The following SMAD2 variants were observed in gnomAD, a reference collection of about 807,000 sequenced individuals.
The protein encoded by SMAD2 is SMAD family member 2.
In SMAD2, 8 loss-of-function variants were observed where a neutral mutation model predicts 64.4. The observed-to-expected ratio is 0.12, with a 90% CI of 0.07 to 0.22. SMAD2 has a LOEUF of 0.22. Among genes scored for constraint, SMAD2 ranks in the 10% least tolerant of loss-of-function variants. SMAD2 has a pLI of 1.00. For missense variants in SMAD2, 289 were observed against 561.2 expected (o/e 0.51, Z 4.90); for synonymous variants, 203 against 195.8 (o/e 1.04, Z -0.31).
intron 2 of SMAD2, chr18:47,886,720 C>T (rs2032929728): frequency 6.5e-6 from 1 of 153,318 alleles, no homozygotes; most frequent in African/African-American, 2.4e-5. Context: ...TATTAGTGAT[C>T]ACAGTTTCAT....
chr18:47,856,234 A>T (rs1792658), intron 6 of SMAD2, among the ~76,000 whole-genome samples: 3 of 151,848 alleles, frequency 2.0e-5, no homozygotes, highest in South Asian at 4.2e-4. Context: ...AAAGGGTATA[A>T]AGTTGCAGAT....
At chr18:47,885,742 G>A (rs1020863715) in intron 2 of SMAD2, among the ~76,000 whole-genome samples, 1 of 152,012 alleles carries the variant, frequency 6.6e-6, no homozygotes. Flanking sequence ...CAGGCAGATC[G>A]CTTGAGCCCA....
rs1308036176 is a variant in SMAD2, at chr18:47,820,118, A to C, written c.*21709T>G. On this transcript the variant is annotated 3_prime_UTR_variant, in exon 11 of 11. Transcript: ENST00000262160. Reference sequence around the variant, plus strand: ...TTCAGTAAATGTCTGGATCATTTCCAAAAAAAAACAATAAACTGCTGAAAA... The same window carrying C: ...TTCAGTAAATGTCTGGATCATTTCCCAAAAAAAACAATAAACTGCTGAAAA... 6.6e-6 allele frequency: 1 copy of C among 151,048 alleles called. No individual in the cohort carries two copies. The highest frequency in any genetic ancestry group is 1.5e-5 in the Non-Finnish European group (1 of 67,738). 9.4% of individuals were successfully genotyped at this position (151,048 alleles called of 1,614,324 possible).
chr18:47,861,491 A>C (rs1393880259), intron 6 of SMAD2, among the ~76,000 whole-genome samples: 3 of 152,218 alleles, frequency 2.0e-5, no homozygotes, highest in Non-Finnish European at 4.4e-5. Context: ...CCTAGGAACA[A>C]CTGGAAAATA....
Position 47,837,961 on chromosome 18 carries a change from G to T in SMAD2, c.*3866C>A, listed in dbSNP as rs989898893. On this transcript the variant is annotated 3_prime_UTR_variant, in exon 11 of 11. Coordinates refer to ENST00000262160, the MANE Select transcript of SMAD2 (RefSeq NM_005901.6). Reference sequence around the variant, plus strand: ...ACCTACGCCACCCTCAGACGAAGAGGGTATCTAACACTGAATAAATGCTGA... The same window carrying T: ...ACCTACGCCACCCTCAGACGAAGAGTGTATCTAACACTGAATAAATGCTGA... The T allele has an allele frequency of 4.3e-6, 1 of 232,398 alleles. No individual in the cohort carries two copies. 14.4% of individuals were successfully genotyped at this position (232,398 alleles called of 1,614,324 possible). A position where few individuals can be genotyped will look rare whatever the true frequency, so the allele number is the denominator to read the frequency against.
intron 1 of SMAD2, among the ~76,000 whole-genome samples, chr18:47,902,595 G>T (rs528326605): frequency 1.2e-4 from 19 of 152,232 alleles, no homozygotes; most frequent in Admixed American, 6.5e-4. Flanking sequence ...AACAGAAAAC[G>T]TGTCAGTTAT....
At chr18:47,863,154 G>C (rs2031311353) in intron 6 of SMAD2, among the ~76,000 whole-genome samples, 1 of 152,206 alleles carries the variant, frequency 6.6e-6, no homozygotes, top group African/African-American at 2.4e-5. Flanking sequence ...ATGAACCAGA[G>C]TTAGAGAGGT....
intron 10 of SMAD2, among the ~76,000 whole-genome samples, chr18:47,844,286 GCA>G (rs1243547175): frequency 6.6e-6 from 1 of 152,098 alleles, no homozygotes; most frequent in African/African-American, 2.4e-5. Context: ...AGATAGACAA[GCA>G]AGTCCAAAAC....
At chr18:47,869,585 T>C (rs2031808371) in intron 3 of SMAD2, 149 bp from the exon 4 acceptor site, 1 of 662,526 alleles carries the variant, frequency 1.5e-6, no homozygotes. Context: ...AGAACAAAAA[T>C]GTACTATTTA....
rs919848297 is a variant in SMAD2 at position 47,838,844 on chromosome 18, G to A, written c.*2983C>T. Reference sequence around the variant, plus strand: ...AAAAAATATTACTCATCTTAGAAATGTGATAGAAAGCATGGCCATTCGGTT... The same window carrying A: ...AAAAAATATTACTCATCTTAGAAATATGATAGAAAGCATGGCCATTCGGTT... On this transcript the variant is annotated 3_prime_UTR_variant, in exon 11 of 11. Coordinates refer to ENST00000262160, the MANE Select transcript of SMAD2 (RefSeq NM_005901.6). The A allele has an allele frequency of 4.3e-6, 1 of 232,800 alleles. No individual in the cohort carries two copies. Among genetic ancestry groups the A allele is most frequent in the African/African-American group, 2.2e-5 (1 of 45,296 alleles). The allele number at this position is 232,800 out of a possible 1,614,324, so 14.4% of individuals were successfully genotyped here.
At chr18:47,845,223 A>G in intron 10 of SMAD2, 117 bp downstream of exon 10, 1 of 1,071,170 alleles carries the variant, frequency 9.3e-7, no homozygotes, top group South Asian at 1.3e-5. Flanking sequence ...TTACATAAAG[A>G]TCAGCTGACT....
In SMAD2 at chr18:47,850,428, A is replaced by T. The variant is rs1193286808; in HGVS notation, c.784+846T>A. 4.1e-4 allele frequency among the ~76,000 whole-genome samples: 9 copies of T among 22,076 alleles called. 1 individual carries two copies. Among genetic ancestry groups the T allele is most frequent in the Non-Finnish European group, 3.5e-4 (5 of 14,126 alleles). 14.5% of individuals were successfully genotyped at this position (22,076 alleles called of 152,430 possible). ...TTATGTATAATATATATAATATATTATATATATTATGTATAATATATATTA... is the reference window on the plus strand; with the variant it reads ...TTATGTATAATATATATAATATATTTTATATATTATGTATAATATATATTA... On this transcript the variant is annotated intron_variant, in intron 7 of 10. Transcript: ENST00000262160.
chr18:47,868,557 T>C (rs538367091), intron 4 of SMAD2, 100 bp from the exon 5 acceptor site: 1 of 934,486 alleles, frequency 1.1e-6, no homozygotes, highest in Non-Finnish European at 1.7e-6. Context: ...GTAGCTTAAT[T>C]TTTAAAGCTA....
At chr18:47,886,923 C>A (rs77914902) in intron 2 of SMAD2, 220 of 126,188 alleles carry the variant, frequency 1.7e-3, no homozygotes, top group African/African-American at 1.7e-3. Context: ...TGATTATATG[C>A]AAAAAAAAAA....
At position 47,835,658 on chromosome 18, in the gene SMAD2, T is replaced by C. The variant is rs1913348634; in HGVS notation, c.*6169A>G. The C allele has an allele frequency of 5.2e-6, 1 of 192,936 alleles. No individual in the cohort carries two copies. The highest frequency in any genetic ancestry group is 1.1e-5 in the Non-Finnish European group (1 of 92,498). The allele number at this position is 192,936 out of a possible 1,614,324, so 12.0% of individuals were successfully genotyped here. A position where few individuals can be genotyped will look rare whatever the true frequency, so the allele number is the denominator to read the frequency against. On this transcript the variant is annotated 3_prime_UTR_variant, in exon 11 of 11. Coordinates refer to ENST00000262160, the MANE Select transcript of SMAD2 (RefSeq NM_005901.6). ...AGAAATATGGCAAGTTACCTAGTGA[T>C]TAACATTGTAAAATAGTCAAAAACT...
rs1007132495 is a variant in SMAD2, at chr18:47,826,262, T to C, written c.*15565A>G. On this transcript the variant is annotated 3_prime_UTR_variant, in exon 11 of 11. Coordinates refer to ENST00000262160, the MANE Select transcript of SMAD2 (RefSeq NM_005901.6). Reference sequence around the variant, plus strand: ...TCAGCTTCTCCACATTTTCCATTGTTTGCTGGCAAACCAGTACAGTAACCT... The same window carrying C: ...TCAGCTTCTCCACATTTTCCATTGTCTGCTGGCAAACCAGTACAGTAACCT... 1.3e-5 allele frequency: 2 copies of C among 152,278 alleles called. No homozygotes were observed. Among genetic ancestry groups the C allele is most frequent in the African/African-American group, 4.8e-5 (2 of 41,462 alleles). The allele number at this position is 152,278 out of a possible 1,614,324, so 9.4% of individuals were successfully genotyped here.
At chr18:47,852,937 A>G (rs1040931599) in intron 6 of SMAD2, among the ~76,000 whole-genome samples, 8 of 152,160 alleles carry the variant, frequency 5.3e-5, no homozygotes, top group Non-Finnish European at 1.0e-4. Flanking sequence ...AATATAAAAT[A>G]TATTTTCTTT....
chr18:47,909,632 T>C (rs1054694475), intron 1 of SMAD2, among the ~76,000 whole-genome samples: 2 of 152,192 alleles, frequency 1.3e-5, no homozygotes, highest in African/African-American at 4.8e-5. Context: ...TGCCCTTCTC[T>C]ATAAAGCTGC....
chr18:47,825,761 C>A lies in SMAD2; in HGVS notation c.*16066G>T, dbSNP rs192503269. On this transcript the variant is annotated 3_prime_UTR_variant, in exon 11 of 11. Transcript: ENST00000262160. ...GGAAGCAGAAACTTGACTCTCCGGG[C>A]AAGATAACTGTTGTCTTTTTAAAAT... The A allele has an allele frequency of 6.6e-6, 1 of 152,306 alleles. No individual in the cohort carries two copies. Among genetic ancestry groups the A allele is most frequent in the African/African-American group, 2.4e-5 (1 of 41,554 alleles). The allele number at this position is 152,306 out of a possible 1,614,324, so 9.4% of individuals were successfully genotyped here.
Sources: gnomAD v4.1 joint callset for allele counts (sites outside exome capture counted in the v4.1 genomes callset) on GRCh38, gnomAD v4.1.1 for gene constraint, MANE v1.5 for transcripts, NCBI Gene and HGNC (gene_info 2026-07-23, HGNC 2026-07-21) for gene names.